The following RUFY3 variants were observed in gnomAD, a reference collection of about 807,000 sequenced individuals.
RUFY3 encodes the protein RUN and FYVE domain containing 3, also known as protein RUFY3.
A neutral mutation model predicts 84.0 loss-of-function variants in RUFY3; 34 were observed. The observed-to-expected ratio is 0.40, with a 90% CI of 0.31 to 0.54. The LOEUF is 0.54. RUFY3 is among the 20% of genes least tolerant of loss of function. The probability of loss-of-function intolerance (pLI) is 0.39; values close to 1 mark genes in which losing one functional copy is unlikely to be tolerated. For synonymous variants in RUFY3, 242 were observed against 252.9 expected (o/e 0.96, Z 0.41); for missense variants, 507 against 736.8 (o/e 0.69, Z 3.61).
intron 1 of RUFY3, among the ~76,000 whole-genome samples, chr4:70,760,433 C>T (rs1390258064): frequency 6.6e-6 from 1 of 151,454 alleles, no homozygotes; most frequent in Non-Finnish European, 1.5e-5. Context: ...AGAGTGAATG[C>T]CTCAAAGTTA....
intron 1 of RUFY3, among the ~76,000 whole-genome samples, chr4:70,758,322 CATT>C (rs1724385785): frequency 6.6e-6 from 1 of 152,068 alleles, no homozygotes; most frequent in Non-Finnish European, 1.5e-5. Flanking sequence ...ATTTAATATT[CATT>C]ATTAGCAGCC....
Position 70,784,794 on chromosome 4 carries a change from AG to A in RUFY3, c.989del. 1 of 1,590,704 alleles carries A rather than the reference AG, an allele frequency of 6.3e-7. No individual in the cohort carries two copies. Among genetic ancestry groups the A allele is most frequent in the Non-Finnish European group, 8.5e-7 (1 of 1,170,702 alleles). On this transcript the variant is annotated splice_acceptor_variant, in intron 9 of 17. Coordinates refer to ENST00000381006, the MANE Select transcript of RUFY3 (RefSeq NM_001037442.4). LOFTEE classifies it high-confidence loss of function. ...ATGTACAATGTTATTTATCTTTTCA[AG>A]GGTCCCAAGCAAGACAGAACTGCAG...
chr4:70,803,424 T>A (rs1367766486), intron 16 of RUFY3, among the ~76,000 whole-genome samples: 1 of 152,090 alleles, frequency 6.6e-6, no homozygotes, highest in Non-Finnish European at 1.5e-5. Flanking sequence ...CCTCTTAGGT[T>A]ATAAAATAAA....
At chr4:70,721,779 T>G, upstream of RUFY3, 1 of 799,552 alleles carries the variant, frequency 1.3e-6, no homozygotes, top group Non-Finnish European at 1.5e-6. Context: ...GAAGAATTGA[T>G]GAGGATATGT....
intron 1 of RUFY3, chr4:70,705,325 C>A (rs1740159399): frequency 2.3e-6 from 3 of 1,323,416 alleles, no homozygotes; most frequent in South Asian, 1.9e-5. Context: ...GGGACGCCCG[C>A]GGGGAAGGGA....
intron 12 of RUFY3, chr4:70,793,561 T>C: frequency 1.4e-6 from 2 of 1,409,840 alleles, no homozygotes; most frequent in Non-Finnish European, 1.8e-6. Flanking sequence ...AAAATCAGCT[T>C]TTCCTCTGCC....
At chr4:70,737,892 C>T (rs372953995) in intron 1 of RUFY3, among the ~76,000 whole-genome samples, 182 of 151,630 alleles carry the variant, frequency 1.2e-3, no homozygotes, top group Non-Finnish European at 2.0e-3. Context: ...AGGCTGGTCT[C>T]GAACTCCTGA....
At chr4:70,787,214 A>AT (rs757534627) in intron 10 of RUFY3, among the ~76,000 whole-genome samples, 2,043 of 131,220 alleles carry the variant, frequency 0.016, 25 homozygotes, top group Middle Eastern at 0.03. Context: ...ATATATATAT[A>AT]AAAACAAATT....
chr4:70,717,378 GA>G (rs534147687), upstream of RUFY3, among the ~76,000 whole-genome samples: 392 of 152,234 alleles, frequency 2.6e-3, 1 homozygote, highest in African/African-American at 8.9e-3. Flanking sequence ...GCCCATGACA[GA>G]AAAGTCCATA....
At chr4:70,710,716 A>G (rs1740883474) in intron 1 of RUFY3, among the ~76,000 whole-genome samples, 1 of 152,032 alleles carries the variant, frequency 6.6e-6, no homozygotes, top group South Asian at 2.1e-4. Context: ...CTGGTCAGGA[A>G]TTGAACACAT....
At chr4:70,774,970 G>T (rs1044393946) in intron 6 of RUFY3, among the ~76,000 whole-genome samples, 198 bp from the exon 7 acceptor site, 1 of 151,626 alleles carries the variant, frequency 6.6e-6, no homozygotes, top group Admixed American at 6.6e-5. Flanking sequence ...TTAGTGAGGG[G>T]TTTTGTCATT....
intron 1 of RUFY3, among the ~76,000 whole-genome samples, chr4:70,757,258 T>C (rs995112511): frequency 5.4e-5 from 8 of 149,406 alleles, no homozygotes; most frequent in Non-Finnish European, 1.0e-4. Flanking sequence ...GCCTGGGTGA[T>C]AGAGCAAGAT....
At chr4:70,772,513 A>G (rs1391350542) in intron 5 of RUFY3, among the ~76,000 whole-genome samples, 1 of 152,198 alleles carries the variant, frequency 6.6e-6, no homozygotes, top group East Asian at 1.9e-4. Flanking sequence ...GGCCTAGTAC[A>G]CATTAATTGC....
At chr4:70,741,741 C>T in intron 1 of RUFY3, 1 of 1,244,520 alleles carries the variant, frequency 8.0e-7, no homozygotes, top group Non-Finnish European at 1.1e-6. Context: ...TTTCTAACCA[C>T]CTTTTAATTG....
At chr4:70,795,215 A>C (rs954883276) in intron 14 of RUFY3, among the ~76,000 whole-genome samples, 2 of 152,206 alleles carry the variant, frequency 1.3e-5, no homozygotes, top group African/African-American at 4.8e-5. Flanking sequence ...TTTCTGCTAA[A>C]TAATAATTTT....
At chr4:70,722,845 A>G in intron 1 of RUFY3, 94 bp downstream of exon 1, 2 of 1,217,932 alleles carry the variant, frequency 1.6e-6, no homozygotes, top group Non-Finnish European at 2.3e-6. Context: ...AAGAACCTAC[A>G]CTCTCAACTG....
chr4:70,734,825 A>G (rs750530774), intron 1 of RUFY3, among the ~76,000 whole-genome samples: 1 of 152,216 alleles, frequency 6.6e-6, no homozygotes, highest in Non-Finnish European at 1.5e-5. Flanking sequence ...CGTTGGCTTC[A>G]GTGCACTGTC....
chr4:70,763,526 A>G (rs1266553188), intron 2 of RUFY3, 26 bp from the exon 3 acceptor site: 1 of 1,581,408 alleles, frequency 6.3e-7, no homozygotes, highest in African/African-American at 1.4e-5. Flanking sequence ...GAATATTAAA[A>G]TACTGCTTTA....
In RUFY3 at chr4:70,768,199, A is replaced by C. The variant is rs190945619; in HGVS notation, c.573-339A>C. Among the ~76,000 whole-genome samples the C allele has an allele frequency of 3.4e-3, 513 of 152,304 alleles. 4 individuals carry two copies. The highest frequency in any genetic ancestry group is 0.012 in the African/African-American group (483 of 41,574). Reference sequence around the variant, plus strand: ...TTATCTGATGGTGCATCACAAGTACAAATATGTCAGAAAAGTCTGAATACC... The same window carrying C: ...TTATCTGATGGTGCATCACAAGTACCAATATGTCAGAAAAGTCTGAATACC... On this transcript the variant is annotated intron_variant, in intron 4 of 17. Transcript: ENST00000381006.
Sources: allele counts gnomAD v4.1 joint callset (sites outside exome capture counted in the v4.1 genomes callset), GRCh38; gene constraint gnomAD v4.1.1; transcripts MANE v1.5; gene names NCBI Gene and HGNC (gene_info 2026-07-23, HGNC 2026-07-21).